Variants in ZNF793 observed in about 807,000 individuals in gnomAD.
ZNF793 encodes zinc finger protein 793.
Under a neutral mutation model 12.4 loss-of-function variants are expected in ZNF793, and 5 were observed. The observed-to-expected ratio is 0.40, with a 90% confidence interval of 0.21 to 0.84. The LOEUF is 0.84. Among genes scored for constraint, ZNF793 ranks in the 40% least tolerant of loss-of-function variants. The pLI is 0.35. For synonymous variants in ZNF793, 162 were observed against 172.4 expected (o/e 0.94, Z 0.47); for missense variants, 456 against 495.0 (o/e 0.92, Z 0.75).
intron 7 of ZNF793, chr19:37,536,350 C>A (rs1466527015): frequency 2.5e-6 from 1 of 398,016 alleles, no homozygotes; most frequent in Non-Finnish European, 4.4e-6. Context: ...TGGGGCGGTG[C>A]CTTAGATTCT....
Position 37,538,001 on chromosome 19 carries a change from T to G in ZNF793, c.*122T>G. 8.1e-7 allele frequency: 1 copy of G among 1,237,050 alleles called. No individual in the cohort carries two copies. Among genetic ancestry groups the G allele is most frequent in the Non-Finnish European group, 1.1e-6 (1 of 925,628 alleles). The allele number at this position is 1,237,050 out of a possible 1,614,324, so 76.6% of individuals were successfully genotyped here. On this transcript the variant is annotated 3_prime_UTR_variant, in exon 8 of 8. Coordinates refer to ENST00000627814, the MANE Select transcript of ZNF793 (RefSeq NM_001013659.3). The stretch of plus-strand genomic sequence containing the variant: ...ATCTCGGCTTACTGCAAGCTCTGCC[T>G]CCCGGGTTCACGCCATTCTCCTGCC...
At chr19:37,527,115 G>A (rs907776407) in intron 5 of ZNF793, among the ~76,000 whole-genome samples, 5 of 152,048 alleles carry the variant, frequency 3.3e-5, no homozygotes, top group Non-Finnish European at 7.4e-5. Flanking sequence ...GCCCGGCTAA[G>A]TTTTTGTCTT....
At chr19:37,508,570 G>A (rs578058165) in intron 2 of ZNF793, among the ~76,000 whole-genome samples, 167 bp downstream of exon 2, 1 of 152,252 alleles carries the variant, frequency 6.6e-6, no homozygotes, top group Non-Finnish European at 1.5e-5. Context: ...GCCGGGCGTG[G>A]TGGCGGGCGC....
At chr19:37,512,836 C>T (rs2042304079) in intron 2 of ZNF793, among the ~76,000 whole-genome samples, 1 of 152,030 alleles carries the variant, frequency 6.6e-6, no homozygotes, top group Admixed American at 6.6e-5. Flanking sequence ...ATGTTCATTC[C>T]TTTTAATGGT....
In ZNF793 at chr19:37,542,353, A is replaced by C. The variant is rs1273490529; in HGVS notation, c.*4474A>C. ...GGTTGCAGTGAGCCAAGATCGCGCC[A>C]TTGCACTCCAACCTGGGCAACAGAG... On this transcript the variant is annotated 3_prime_UTR_variant, in exon 8 of 8. Coordinates refer to ENST00000627814, the MANE Select transcript of ZNF793 (RefSeq NM_001013659.3). The C allele has an allele frequency of 3.2e-6, 1 of 308,386 alleles. No homozygotes were observed. The highest frequency in any genetic ancestry group is 6.6e-6 in the Non-Finnish European group (1 of 152,072). 19.1% of individuals were successfully genotyped at this position (308,386 alleles called of 1,614,324 possible).
intron 5 of ZNF793, among the ~76,000 whole-genome samples, chr19:37,529,969 A>G (rs1391499062): frequency 6.6e-6 from 1 of 151,852 alleles, no homozygotes; most frequent in African/African-American, 2.4e-5. Flanking sequence ...GAGTTCCCTT[A>G]GTATTTATTG....
At position 37,526,241 on chromosome 19, in the gene ZNF793, T is replaced by C. The variant is rs919794326; in HGVS notation, c.15+2787T>C. Among the ~76,000 whole-genome samples the C allele has an allele frequency of 5.9e-5, 9 of 152,174 alleles. No individual in the cohort carries two copies. In the East Asian group the frequency reaches 1.2e-3, roughly 20 times the overall value. ...GATCCTCCCATTTCAGCCTCCCGAG[T>C]AGCTGGGACTATAGGCGCATGCCAC... is the stretch of plus-strand genomic sequence containing the variant. On this transcript the variant is annotated intron_variant, in intron 5 of 7. Coordinates refer to ENST00000627814, the MANE Select transcript of ZNF793 (RefSeq NM_001013659.3).
In ZNF793 at chr19:37,542,507, C is replaced by T. The variant is rs1369645372; in HGVS notation, c.*4628C>T. The T allele has an allele frequency of 2.6e-6, 1 of 380,376 alleles. No individual in the cohort carries two copies. Among genetic ancestry groups the T allele is most frequent in the Non-Finnish European group, 5.3e-6 (1 of 189,228 alleles). 23.6% of individuals were successfully genotyped at this position (380,376 alleles called of 1,614,324 possible). A position where few individuals can be genotyped will look rare whatever the true frequency, so the allele number is the denominator to read the frequency against. On this transcript the variant is annotated 3_prime_UTR_variant, in exon 8 of 8. Coordinates refer to ENST00000627814, the MANE Select transcript of ZNF793 (RefSeq NM_001013659.3). Reference sequence around the variant, plus strand: ...CATAAAAGACAGATGAACATGTGAACATGGACATTTATTGTAAAAATTGTT... The same window carrying T: ...CATAAAAGACAGATGAACATGTGAATATGGACATTTATTGTAAAAATTGTT...
chr19:37,530,909 G>T (rs1409654546), intron 5 of ZNF793, among the ~76,000 whole-genome samples: 1 of 151,806 alleles, frequency 6.6e-6, no homozygotes, highest in Non-Finnish European at 1.5e-5. Flanking sequence ...CCTCTCTTTT[G>T]TTGTGCTAGT....
rs575547211 is a variant in ZNF793 at position 37,528,354 on chromosome 19, G to A, written c.16-4002G>A. Among the ~76,000 whole-genome samples, 181 of 152,096 alleles carry A rather than the reference G, an allele frequency of 1.2e-3. 2 individuals are homozygous for A. Among genetic ancestry groups the A allele is most frequent in the African/African-American group, 3.8e-3 (159 of 41,492 alleles). ...CTTTTTATTGGTGGTTGATCATGTA[G>A]AAAGGCTTGACTGTTCCCACCACTG... On this transcript the variant is annotated intron_variant, in intron 5 of 7. Coordinates refer to ENST00000627814, the MANE Select transcript of ZNF793 (RefSeq NM_001013659.3).
At chr19:37,518,156 C>T (rs565721337) in intron 2 of ZNF793, among the ~76,000 whole-genome samples, 4 of 152,148 alleles carry the variant, frequency 2.6e-5, no homozygotes, top group East Asian at 1.9e-4. Context: ...GGCAGAGTCT[C>T]GCTCTGTCGC....
intron 2 of ZNF793, among the ~76,000 whole-genome samples, chr19:37,516,037 G>A (rs2042329314): frequency 6.6e-6 from 1 of 151,164 alleles, no homozygotes; most frequent in Non-Finnish European, 1.5e-5. Flanking sequence ...AGGAGATAGA[G>A]GCTACGACCT....
chr19:37,519,833 G>A (rs1390084955), intron 2 of ZNF793, among the ~76,000 whole-genome samples: 1 of 152,178 alleles, frequency 6.6e-6, no homozygotes, highest in Admixed American at 6.5e-5. Context: ...TCAGTAAATG[G>A]CAGAGCCTGC....
intron 3 of ZNF793, among the ~76,000 whole-genome samples, chr19:37,521,769 T>C (rs1255655849): frequency 6.6e-6 from 1 of 152,074 alleles, no homozygotes; most frequent in African/African-American, 2.4e-5. Flanking sequence ...ACATTTTATT[T>C]GGAAATTTTT....
In ZNF793 at chr19:37,529,363, G is replaced by A. The variant is rs189289557; in HGVS notation, c.16-2993G>A. ...GTTACTATAGGGTCTTTCCTCTCACGTCCCTCCAGGTCACCCACCACACTT... is the reference window on the plus strand; with the variant it reads ...GTTACTATAGGGTCTTTCCTCTCACATCCCTCCAGGTCACCCACCACACTT... On this transcript the variant is annotated intron_variant, in intron 5 of 7. Coordinates refer to ENST00000627814, the MANE Select transcript of ZNF793 (RefSeq NM_001013659.3). Among the ~76,000 whole-genome samples the A allele has an allele frequency of 6.4e-4, 97 of 151,972 alleles. 1 individual carries two copies. Among genetic ancestry groups the A allele is most frequent in the African/African-American group, 1.9e-3 (78 of 41,440 alleles).
Position 37,533,361 on chromosome 19 carries a change from C to A in ZNF793, c.196C>A (p.Pro66Thr), listed in dbSNP as rs1248688570. The A allele has an allele frequency of 6.2e-7, 1 of 1,613,974 alleles. No individual in the cohort carries two copies. The highest frequency in any genetic ancestry group is 1.1e-5 in the South Asian group (1 of 91,076). ...CCTCAGACTGGAGCAGGAAGAAGCA[C>A]CATGGATTGGTGAGGCAGCATGCCC... is the stretch of plus-strand genomic sequence containing the variant. ...VILRLEQEEA[P>T]WIGEAACPGC... The change falls in exon 7 of 8, where the codon CCA becomes ACA. Residue 66 changes from proline (P) to threonine (T), a missense_variant. Physicochemically the swap from Pro to Thr is conservative, Grantham distance 38. Coordinates refer to ENST00000627814, the MANE Select transcript of ZNF793 (RefSeq NM_001013659.3).
At chr19:37,517,056 C>G (rs1241140064) in intron 2 of ZNF793, among the ~76,000 whole-genome samples, 1 of 152,136 alleles carries the variant, frequency 6.6e-6, no homozygotes, top group Admixed American at 6.6e-5. Flanking sequence ...AGGAAGGGAA[C>G]TTTGTTTTTC....
At chr19:37,520,499 A>G (rs761274480) in intron 3 of ZNF793, among the ~76,000 whole-genome samples, 187 bp downstream of exon 3, 1 of 152,220 alleles carries the variant, frequency 6.6e-6, no homozygotes, top group African/African-American at 2.4e-5. Context: ...GAAGCTGAGC[A>G]AGACCAAACC....
chr19:37,517,194 T>G (rs1280103310), intron 2 of ZNF793, among the ~76,000 whole-genome samples: 1 of 152,212 alleles, frequency 6.6e-6, no homozygotes, highest in Non-Finnish European at 1.5e-5. Context: ...ACTAGACTAA[T>G]TTTACCTTGT....
Sources: gnomAD v4.1 joint callset for allele counts (sites outside exome capture counted in the v4.1 genomes callset) on GRCh38, gnomAD v4.1.1 for gene constraint, MANE v1.5 for transcripts, NCBI Gene and HGNC (gene_info 2026-07-23, HGNC 2026-07-21) for gene names.